The following NBAS variants were observed in gnomAD, a reference collection of about 807,000 sequenced individuals.
NBAS encodes NAG/BC035112 fusion.
A neutral mutation model predicts 302.5 loss-of-function variants in NBAS; 219 were observed. That is an observed-to-expected ratio of 0.72 (90% CI 0.65 to 0.81). The LOEUF (loss-of-function observed/expected upper bound fraction) is 0.81, where lower values mean the gene tolerates loss of function less well. Among genes scored for constraint, NBAS ranks in the 30% least tolerant of loss-of-function variants. NBAS has a pLI of 0.00. For missense variants in NBAS, 2,932 were observed against 2,841.6 expected (o/e 1.03, Z -0.72); for synonymous variants, 1,118 against 1,021.6 (o/e 1.09, Z -1.80).
chr2:14,984,212 T>C, the NBAS span, among the ~76,000 whole-genome samples: 1 of 152,196 alleles, frequency 6.6e-6, no homozygotes, highest in Middle Eastern at 3.2e-3. Context: ...ATCTTTTCTC[T>C]AGTTTCATCC....
At chr2:14,855,380 C>T in the NBAS span, among the ~76,000 whole-genome samples, 3 of 151,920 alleles carry the variant, frequency 2.0e-5, no homozygotes. Context: ...TTGAGAAGAG[C>T]ACAGGAAAAA....
chr2:15,366,481 T>C, intron 32 of NBAS, 99 bp downstream of exon 32: 2 of 1,189,466 alleles, frequency 1.7e-6, no homozygotes. Flanking sequence ...AAAAAGCTGT[T>C]CTTCTGACGC....
rs756508128 is a variant in NBAS, at chr2:15,356,355, G to A, written c.3879C>T (p.Arg1293=). ...TACTGGCTGCTTTGTAGTCATGGAAGCGAAGTGCCTGCTCCACTAAAAGGA... is the reference window on the plus strand; with the variant it reads ...TACTGGCTGCTTTGTAGTCATGGAAACGAAGTGCCTGCTCCACTAAAAGGA... ...VLILLVEQAL[R]FHDYKAASMH... The change falls in exon 33 of 52, where the codon CGC becomes CGT. Residue 1293 remains arginine (R), a synonymous_variant. Coordinates refer to ENST00000281513, the MANE Select transcript of NBAS (RefSeq NM_015909.4). 5 of 1,613,916 alleles carry A rather than the reference G, an allele frequency of 3.1e-6. No homozygotes were observed. The Admixed American group carries it at 8.3e-5, about 27-fold the overall frequency.
At chr2:15,502,446 A>G (rs1179194639) in intron 11 of NBAS, among the ~76,000 whole-genome samples, 1 of 152,248 alleles carries the variant, frequency 6.6e-6, no homozygotes, top group African/African-American at 2.4e-5. Flanking sequence ...CAGTGCAGTT[A>G]CACAAATCTA....
chr2:15,522,098 G>A (rs930444775), intron 9 of NBAS, among the ~76,000 whole-genome samples: 4 of 152,172 alleles, frequency 2.6e-5, no homozygotes, highest in Non-Finnish European at 4.4e-5. Context: ...TATCCCAAGG[G>A]CTAAAGAAAA....
intron 6 of NBAS, among the ~76,000 whole-genome samples, chr2:15,548,245 C>T (rs1020091795): frequency 1.3e-5 from 2 of 152,050 alleles, no homozygotes; most frequent in African/African-American, 4.8e-5. Flanking sequence ...TGTCAGGCAC[C>T]GTGCTAAGCA....
At chr2:15,425,677 A>G (rs1677434717) in intron 22 of NBAS, among the ~76,000 whole-genome samples, 1 of 152,170 alleles carries the variant, frequency 6.6e-6, no homozygotes, top group Admixed American at 6.5e-5. Flanking sequence ...ACATTCTTCC[A>G]GGGATTTCCC....
chr2:15,307,749 G>A (rs1451449645), intron 40 of NBAS, among the ~76,000 whole-genome samples: 1 of 151,984 alleles, frequency 6.6e-6, no homozygotes, highest in African/African-American at 2.4e-5. Context: ...TTTTTGGCAA[G>A]TATGAATAAT....
At chr2:15,308,116 C>G in intron 40 of NBAS, 100 bp downstream of exon 40, 1 of 1,545,996 alleles carries the variant, frequency 6.5e-7, no homozygotes, top group Non-Finnish European at 8.9e-7. Context: ...ATTCTGGATA[C>G]ATATGTAATC....
chr2:15,156,258 C>A, the NBAS span, among the ~76,000 whole-genome samples: 20 of 152,266 alleles, frequency 1.3e-4, no homozygotes, highest in Admixed American at 1.3e-3. Flanking sequence ...TCTTCCCCAA[C>A]CAAGGCCTCT....
intron 41 of NBAS, among the ~76,000 whole-genome samples, chr2:15,290,907 TG>T (rs1394536083): frequency 6.6e-6 from 1 of 152,208 alleles, no homozygotes; most frequent in Non-Finnish European, 1.5e-5. Flanking sequence ...AAGAAGAATT[TG>T]GGGTATAAGA....
At chr2:15,354,216 A>G (rs1368559974) in intron 33 of NBAS, among the ~76,000 whole-genome samples, 1 of 152,228 alleles carries the variant, frequency 6.6e-6, no homozygotes, top group South Asian at 2.1e-4. Context: ...AGAAAAAGAG[A>G]TATTATGATA....
chr2:15,033,718 T>C, the NBAS span, among the ~76,000 whole-genome samples: 1 of 151,982 alleles, frequency 6.6e-6, no homozygotes, highest in Non-Finnish European at 1.5e-5. Context: ...CTTAGCACTT[T>C]GGGAGGTGGG....
chr2:14,793,624 G>A, the NBAS span, among the ~76,000 whole-genome samples: 59 of 152,180 alleles, frequency 3.9e-4, no homozygotes, highest in East Asian at 9.5e-3. Flanking sequence ...GATCAGAGAA[G>A]GAGAATGGAG....
the NBAS span, among the ~76,000 whole-genome samples, chr2:14,817,166 G>A: frequency 6.6e-6 from 1 of 152,168 alleles, no homozygotes; most frequent in Admixed American, 6.5e-5. Context: ...GTCTCATAAT[G>A]TTATCATGTG....
At chr2:15,165,680 AG>A (rs929954832), downstream of NBAS, among the ~76,000 whole-genome samples, 4 of 151,972 alleles carry the variant, frequency 2.6e-5, no homozygotes, top group African/African-American at 9.7e-5. Flanking sequence ...TGGGGTGGAC[AG>A]GGGGAGGTGT....
the NBAS span, among the ~76,000 whole-genome samples, chr2:15,021,724 A>T: frequency 6.6e-6 from 1 of 152,270 alleles, no homozygotes; most frequent in South Asian, 2.1e-4. Context: ...GACTGTTGGC[A>T]CCCACTCTAA....
In NBAS at chr2:15,334,828, G is replaced by A. The variant is rs571435558; in HGVS notation, c.4180-4063C>T. Among the ~76,000 whole-genome samples the A allele has an allele frequency of 8.3e-4, 126 of 152,092 alleles. 2 individuals are homozygous for A. The highest frequency in any genetic ancestry group is 4.8e-5 in the African/African-American group (2 of 41,482). ...TGTATGGTTTAACATATTTTAACAC[G>A]CTTATGTAACAAGCCCTTAGGCAAA... On this transcript the variant is annotated intron_variant, in intron 35 of 51. Coordinates refer to ENST00000281513, the MANE Select transcript of NBAS (RefSeq NM_015909.4).
At chr2:15,073,491 AT>A in the NBAS span, among the ~76,000 whole-genome samples, 8 of 144,648 alleles carry the variant, frequency 5.5e-5, 1 homozygote, top group African/African-American at 1.6e-4. Flanking sequence ...AAAAAAAAAA[AT>A]AAAAAATAAA....
Sources: allele counts gnomAD v4.1 joint callset (sites outside exome capture counted in the v4.1 genomes callset), GRCh38; gene constraint gnomAD v4.1.1; transcripts MANE v1.5; gene names NCBI Gene and HGNC (gene_info 2026-07-23, HGNC 2026-07-21).